The following ULK4 variants were observed in gnomAD, a reference collection of about 807,000 sequenced individuals.
ULK4 encodes the protein inactive serine/threonine-protein kinase ULK4.
In ULK4, 133 loss-of-function variants were observed where a neutral mutation model predicts 160.6. The ratio of observed to expected loss-of-function variants is 0.83; its 90% CI spans 0.72 to 0.96. The LOEUF (loss-of-function observed/expected upper bound fraction) is 0.96. Ranked by LOEUF, ULK4 falls within the 40% of genes least tolerant of loss-of-function variation. The pLI is 0.00. For synonymous variants in ULK4, 534 were observed against 539.8 expected (o/e 0.99, Z 0.15); for missense variants, 1,580 against 1,499.5 (o/e 1.05, Z -0.89).
chr3:41,647,594 T>G (rs1287105419), intron 30 of ULK4, among the ~76,000 whole-genome samples: 2 of 152,192 alleles, frequency 1.3e-5, no homozygotes, highest in Non-Finnish European at 2.9e-5. Context: ...GAGGTGTCAG[T>G]CTGCCCCTAC....
intron 17 of ULK4, among the ~76,000 whole-genome samples, chr3:41,872,336 T>C (rs1318375342): frequency 6.6e-6 from 1 of 152,234 alleles, no homozygotes; most frequent in African/African-American, 2.4e-5. Context: ...GTTCAGCACA[T>C]GCACAGCTTC....
chr3:41,456,145 C>T (rs1446298063), intron 33 of ULK4, among the ~76,000 whole-genome samples: 2 of 152,110 alleles, frequency 1.3e-5, no homozygotes, highest in African/African-American at 2.4e-5. Context: ...CCTGACCTCA[C>T]GTGATCCACC....
chr3:41,832,359 A>G (rs2041621519), intron 18 of ULK4, among the ~76,000 whole-genome samples: 1 of 152,182 alleles, frequency 6.6e-6, no homozygotes, highest in Non-Finnish European at 1.5e-5. Context: ...ATGTCTGTTC[A>G]TATCCTTTGC....
intron 18 of ULK4, among the ~76,000 whole-genome samples, chr3:41,831,206 T>A (rs2041570284): frequency 6.6e-6 from 1 of 151,704 alleles, no homozygotes; most frequent in Non-Finnish European, 1.5e-5. Flanking sequence ...TTTTGCAAGT[T>A]TTTTAGACGA....
intron 30 of ULK4, among the ~76,000 whole-genome samples, chr3:41,642,097 C>T (rs994372115): frequency 6.7e-6 from 1 of 149,534 alleles, no homozygotes; most frequent in African/African-American, 2.6e-5. Context: ...TGGTCTCGAA[C>T]CCCTGACCTC....
At chr3:41,326,464 A>T (rs1484918162) in intron 35 of ULK4, among the ~76,000 whole-genome samples, 1 of 151,492 alleles carries the variant, frequency 6.6e-6, no homozygotes, top group Non-Finnish European at 1.5e-5. Context: ...ATATATATAT[A>T]TATATACATA....
chr3:41,612,044 C>T (rs1006903819), intron 31 of ULK4, among the ~76,000 whole-genome samples: 1 of 152,022 alleles, frequency 6.6e-6, no homozygotes, highest in Non-Finnish European at 1.5e-5. Context: ...AAAAGTAACA[C>T]ACATTTTAAA....
At chr3:41,374,181 G>A (rs1215606496) in intron 35 of ULK4, among the ~76,000 whole-genome samples, 1 of 152,166 alleles carries the variant, frequency 6.6e-6, no homozygotes, top group Non-Finnish European at 1.5e-5. Flanking sequence ...AGACTAGATA[G>A]ATTTACAGCT....
chr3:41,387,296 A>G (rs1474685646), intron 35 of ULK4, among the ~76,000 whole-genome samples: 1 of 152,084 alleles, frequency 6.6e-6, no homozygotes, highest in Non-Finnish European at 1.5e-5. Flanking sequence ...TTTATTATTA[A>G]CTATAGTCAT....
At chr3:41,478,917 T>C (rs559508226) in intron 32 of ULK4, among the ~76,000 whole-genome samples, 1 of 152,332 alleles carries the variant, frequency 6.6e-6, no homozygotes, top group South Asian at 2.1e-4. Context: ...TACTTTCCAA[T>C]TACGTCCAGG....
chr3:41,571,339 A>T (rs2087965757), intron 31 of ULK4, among the ~76,000 whole-genome samples: 1 of 152,222 alleles, frequency 6.6e-6, no homozygotes, highest in South Asian at 2.1e-4. Context: ...AAAGAATGCT[A>T]AATCCATGCA....
chr3:41,920,453 T>C (rs1024304463), intron 5 of ULK4, among the ~76,000 whole-genome samples: 2 of 152,154 alleles, frequency 1.3e-5, no homozygotes, highest in African/African-American at 4.8e-5. Context: ...TTATACAAAG[T>C]TTAATATTAC....
intron 29 of ULK4, among the ~76,000 whole-genome samples, chr3:41,675,760 C>T (rs937396428): frequency 1.1e-4 from 17 of 152,152 alleles, no homozygotes; most frequent in African/African-American, 4.1e-4. Flanking sequence ...AGTGATACCA[C>T]TACAAACCAA....
At chr3:41,647,786 C>T (rs2034571352) in intron 30 of ULK4, among the ~76,000 whole-genome samples, 1 of 152,222 alleles carries the variant, frequency 6.6e-6, no homozygotes, top group Admixed American at 6.5e-5. Flanking sequence ...TTGTCTGTGC[C>T]CTGCCCCCAG....
intron 17 of ULK4, among the ~76,000 whole-genome samples, chr3:41,851,997 G>T (rs145163662): frequency 1.3e-5 from 2 of 151,942 alleles, no homozygotes; most frequent in African/African-American, 4.8e-5. Context: ...TTGATAGACC[G>T]CTAGCAAGAC....
At position 41,941,778 on chromosome 3, in the gene ULK4, A is replaced by AAAAAAAG. The variant is rs534674849; in HGVS notation, c.139-3582_139-3581insCTTTTTT. Among the ~76,000 whole-genome samples, 18 of 148,174 alleles carry AAAAAAAG rather than the reference A, an allele frequency of 1.2e-4. No individual in the cohort carries two copies. The East Asian group carries it at 2.4e-3, about 20-fold the overall frequency. On this transcript the variant is annotated intron_variant, in intron 2 of 36. Coordinates refer to ENST00000301831, the MANE Select transcript of ULK4 (RefSeq NM_017886.4). ...CTCAAAAAAAAAAAAAAAAAAAAAA[A>AAAAAAAG]AGAGAAAGAAACTGTAAAACTAATA...
At chr3:41,847,348 G>T (rs2125669760) in intron 17 of ULK4, among the ~76,000 whole-genome samples, 1 of 152,288 alleles carries the variant, frequency 6.6e-6, no homozygotes, top group South Asian at 2.1e-4. Flanking sequence ...TCAAAATATA[G>T]TTGTTAAACT....
chr3:41,464,547 T>C (rs1306051715), intron 32 of ULK4, among the ~76,000 whole-genome samples: 2 of 152,220 alleles, frequency 1.3e-5, no homozygotes, highest in African/African-American at 2.4e-5. Context: ...TATTACAGCA[T>C]GTGCACTGCA....
At chr3:41,638,088 A>C (rs1023830985) in intron 30 of ULK4, among the ~76,000 whole-genome samples, 1 of 152,138 alleles carries the variant, frequency 6.6e-6, no homozygotes, top group Non-Finnish European at 1.5e-5. Context: ...CTTTGAGTTC[A>C]AAGATATACC....
Sources: gnomAD v4.1 joint callset for allele counts (sites outside exome capture counted in the v4.1 genomes callset) on GRCh38, gnomAD v4.1.1 for gene constraint, MANE v1.5 for transcripts, NCBI Gene and HGNC (gene_info 2026-07-23, HGNC 2026-07-21) for gene names.